SUCLG2: variants seen among roughly 807,000 people sequenced by gnomAD.
The protein encoded by SUCLG2 is succinate-CoA ligase GDP-forming subunit beta, also known as succinate--CoA ligase [GDP-forming] subunit beta, mitochondrial.
SUCLG2 carries 42 observed loss-of-function variants against 47.9 expected under a neutral mutation model. The observed-to-expected ratio is 0.88, with a 90% CI of 0.69 to 1.14. The LOEUF is 1.14. Ranked by LOEUF, SUCLG2 falls within the 50% of genes most tolerant of loss-of-function variation. The probability of loss-of-function intolerance (pLI) is 0.00; values close to 1 mark genes in which losing one functional copy is unlikely to be tolerated. For synonymous variants in SUCLG2, 195 were observed against 197.3 expected (o/e 0.99, Z 0.10); for missense variants, 571 against 525.9 (o/e 1.09, Z -0.84).
chr3:67,610,728 G>A (rs1234327754), intron 1 of SUCLG2, among the ~76,000 whole-genome samples: 2 of 152,184 alleles, frequency 1.3e-5, no homozygotes, highest in African/African-American at 2.4e-5. Context: ...TTTGGTGGAT[G>A]TCCAAGGCAG....
At chr3:67,476,726 G>A (rs1400243103) in intron 9 of SUCLG2, among the ~76,000 whole-genome samples, 3 of 152,106 alleles carry the variant, frequency 2.0e-5, no homozygotes, top group Non-Finnish European at 4.4e-5. Context: ...AACTGGATTT[G>A]TCTCATAATA....
At chr3:67,645,991 T>C (rs1331490565) in intron 1 of SUCLG2, among the ~76,000 whole-genome samples, 1 of 151,340 alleles carries the variant, frequency 6.6e-6, no homozygotes, top group African/African-American at 2.4e-5. Flanking sequence ...CTTAATATTT[T>C]CTGGTAAAGC....
At chr3:67,628,295 T>C (rs1366293958) in intron 1 of SUCLG2, among the ~76,000 whole-genome samples, 3 of 152,238 alleles carry the variant, frequency 2.0e-5, no homozygotes, top group Non-Finnish European at 4.4e-5. Flanking sequence ...TGAGACATTG[T>C]AGGCATTCGA....
chr3:67,584,351 CAA>C, intron 2 of SUCLG2, among the ~76,000 whole-genome samples: 1 of 152,142 alleles, frequency 6.6e-6, no homozygotes, highest in Non-Finnish European at 1.5e-5. Flanking sequence ...TATAGGGACA[CAA>C]TGCAGATTAA....
intron 2 of SUCLG2, among the ~76,000 whole-genome samples, chr3:67,552,033 A>C (rs986207242): frequency 1.3e-5 from 2 of 152,118 alleles, no homozygotes; most frequent in African/African-American, 4.8e-5. Flanking sequence ...ATGATGTGAC[A>C]GTGGTCAGCA....
At chr3:67,407,599 C>A (rs1055510865) in intron 9 of SUCLG2, among the ~76,000 whole-genome samples, 1 of 152,162 alleles carries the variant, frequency 6.6e-6, no homozygotes, top group Admixed American at 6.5e-5. Context: ...TAGTTAAGTA[C>A]TGCATTGTAT....
At chr3:67,387,309 A>G (rs1445908069) in intron 10 of SUCLG2, among the ~76,000 whole-genome samples, 1 of 152,200 alleles carries the variant, frequency 6.6e-6, no homozygotes, top group Non-Finnish European at 1.5e-5. Context: ...TCTGATTAAA[A>G]TGTTGATGTC....
In SUCLG2 at chr3:67,421,999, T is replaced by C. The variant is rs555986312; in HGVS notation, c.1063-21148A>G. ...ATTTGCACAGTCATCAGTCCACATG[T>C]ATATAGTACAGTCCTTCAAGGCAGG... On this transcript the variant is annotated intron_variant, in intron 9 of 10. Transcript: ENST00000307227. 9.8e-5 allele frequency among the ~76,000 whole-genome samples: 15 copies of C among 152,290 alleles called. No homozygotes were observed. In the South Asian group the frequency reaches 2.9e-3, roughly 30 times the overall value.
At chr3:67,370,022 T>TA (rs1701931613), downstream of SUCLG2, among the ~76,000 whole-genome samples, 1 of 152,172 alleles carries the variant, frequency 6.6e-6, no homozygotes, top group Admixed American at 6.5e-5. Context: ...TAGATTTTTA[T>TA]AAAAAATAAA....
intron 9 of SUCLG2, among the ~76,000 whole-genome samples, chr3:67,465,815 T>C (rs73104334): frequency 0.025 from 3,826 of 152,246 alleles, 70 homozygotes; most frequent in African/African-American, 0.044. Flanking sequence ...CATCCTGTTT[T>C]ACTATCTTCT....
At chr3:67,639,668 C>T (rs185970959) in intron 1 of SUCLG2, among the ~76,000 whole-genome samples, 2 of 152,148 alleles carry the variant, frequency 1.3e-5, no homozygotes, top group East Asian at 3.8e-4. Context: ...GTTTCCATAG[C>T]TGTCCTGTGG....
chr3:67,372,475 G>T (rs1185948353), downstream of SUCLG2, among the ~76,000 whole-genome samples: 1 of 152,160 alleles, frequency 6.6e-6, no homozygotes, highest in Admixed American at 6.5e-5. Flanking sequence ...CTTTGAGGAT[G>T]AGTTAGTTGA....
chr3:67,479,182 T>G (rs1160931622), intron 9 of SUCLG2, among the ~76,000 whole-genome samples: 1 of 152,002 alleles, frequency 6.6e-6, no homozygotes, highest in Non-Finnish European at 1.5e-5. Flanking sequence ...AATTCCCAAA[T>G]GGTAGTTGAC....
chr3:67,503,368 C>A (rs1333990593), intron 7 of SUCLG2, among the ~76,000 whole-genome samples: 2 of 152,146 alleles, frequency 1.3e-5, no homozygotes, highest in African/African-American at 4.8e-5. Flanking sequence ...TGTGGCTACG[C>A]AAAAGGAGTA....
intron 2 of SUCLG2, among the ~76,000 whole-genome samples, chr3:67,539,084 TCTAATA>T (rs1292799211): frequency 6.6e-6 from 1 of 152,220 alleles, no homozygotes; most frequent in Non-Finnish European, 1.5e-5. Flanking sequence ...GGCCACATCT[TCTAATA>T]CTATGTTGAA....
chr3:67,469,422 T>C (rs987139345), intron 9 of SUCLG2, among the ~76,000 whole-genome samples: 14 of 152,196 alleles, frequency 9.2e-5, no homozygotes, highest in African/African-American at 3.4e-4. Flanking sequence ...TTCTTAGCTA[T>C]ACTTTATTTT....
At chr3:67,515,278 T>C (rs1239632835) in intron 6 of SUCLG2, among the ~76,000 whole-genome samples, 1 of 152,108 alleles carries the variant, frequency 6.6e-6, no homozygotes, top group Non-Finnish European at 1.5e-5. Context: ...AAAGAGTATA[T>C]ATAGGGTTTG....
intron 10 of SUCLG2, among the ~76,000 whole-genome samples, chr3:67,392,562 G>T (rs542494682): frequency 1.3e-5 from 2 of 152,118 alleles, no homozygotes; most frequent in African/African-American, 4.8e-5. Context: ...AGGATAATGT[G>T]AGTAATTGAA....
chr3:67,606,898 T>C (rs139655505), intron 2 of SUCLG2, among the ~76,000 whole-genome samples: 19 of 152,312 alleles, frequency 1.2e-4, no homozygotes, highest in African/African-American at 4.6e-4. Flanking sequence ...AGAATGCATA[T>C]ACATTTCAAC....
Sources: allele counts gnomAD v4.1 joint callset (sites outside exome capture counted in the v4.1 genomes callset), GRCh38; gene constraint gnomAD v4.1.1; transcripts MANE v1.5; gene names NCBI Gene and HGNC (gene_info 2026-07-23, HGNC 2026-07-21).